MTFR1: variants seen among roughly 807,000 people sequenced by gnomAD.
The protein encoded by MTFR1 is chondrocyte protein with a poly-proline region.
Under a neutral mutation model 38.8 loss-of-function variants are expected in MTFR1, and 28 were observed. The observed-to-expected ratio is 0.72, with a 90% CI of 0.53 to 0.99. The LOEUF (loss-of-function observed/expected upper bound fraction) is 0.99. Ranked by LOEUF, MTFR1 falls within the 50% of genes least tolerant of loss-of-function variation. The pLI is 0.00. For synonymous variants in MTFR1, 145 were observed against 137.0 expected (o/e 1.06, Z -0.41); for missense variants, 358 against 395.5 (o/e 0.91, Z 0.81).
intron 7 of MTFR1, 89 bp from the exon 8 acceptor site, chr8:65,708,887 A>T: frequency 7.7e-7 from 1 of 1,292,422 alleles, no homozygotes; most frequent in East Asian, 2.3e-5. Flanking sequence ...GAACATACCC[A>T]GCCCTCTAAT....
chr8:65,665,605 T>C (rs564529816), intron 1 of MTFR1, among the ~76,000 whole-genome samples: 1 of 152,314 alleles, frequency 6.6e-6, no homozygotes, highest in East Asian at 1.9e-4. Context: ...AATCAAAACC[T>C]TGGAGTAATT....
intron 1 of MTFR1, among the ~76,000 whole-genome samples, chr8:65,651,186 C>G (rs1385640071): frequency 1.3e-5 from 2 of 152,148 alleles, no homozygotes; most frequent in Non-Finnish European, 2.9e-5. Context: ...CTTATGTATT[C>G]TGGTTGTTAA....
downstream of MTFR1, among the ~76,000 whole-genome samples, chr8:65,775,115 A>G (rs1809221709): frequency 6.6e-6 from 1 of 152,140 alleles, no homozygotes. Context: ...TTCGATTCTT[A>G]TATTTTCTCT....
chr8:65,739,357 C>G, intron 3 of MTFR1: 1 of 916,092 alleles, frequency 1.1e-6, no homozygotes, highest in Non-Finnish European at 1.5e-6. Context: ...GATGCAAGAG[C>G]TAAATAACTG....
At chr8:65,707,764 G>A in intron 6 of MTFR1, 79 bp from the exon 7 acceptor site, 1 of 1,541,572 alleles carries the variant, frequency 6.5e-7, no homozygotes, top group East Asian at 2.3e-5. Context: ...GTGCTGTCAG[G>A]CAAAAGGTTG....
downstream of MTFR1, chr8:65,714,462 C>G (rs1806053688): frequency 6.6e-6 from 1 of 152,098 alleles, no homozygotes; most frequent in Non-Finnish European, 1.5e-5. Flanking sequence ...GGTGGTCATT[C>G]CACCTGTAGA....
intron 3 of MTFR1, chr8:65,724,169 A>G (rs921199102): frequency 1.4e-4 from 107 of 790,212 alleles, no homozygotes; most frequent in South Asian, 1.1e-3. Context: ...TGCTAGACCC[A>G]TATAAATTAT....
chr8:65,736,869 T>A (rs1807161716), intron 3 of MTFR1, among the ~76,000 whole-genome samples: 1 of 146,760 alleles, frequency 6.8e-6, no homozygotes, highest in Non-Finnish European at 1.5e-5. Flanking sequence ...CATTTGGCTG[T>A]ACATTCTTGG....
chr8:65,753,123 G>GCA (rs998684393), intron 3 of MTFR1, among the ~76,000 whole-genome samples: 1 of 152,156 alleles, frequency 6.6e-6, no homozygotes, highest in Admixed American at 6.6e-5. Context: ...TTCTATGGCA[G>GCA]CACTATTCCA....
intron 3 of MTFR1, among the ~76,000 whole-genome samples, chr8:65,766,589 T>TATC (rs1379679456): frequency 6.6e-6 from 1 of 152,192 alleles, no homozygotes; most frequent in Non-Finnish European, 1.5e-5. Context: ...TAAACCACTC[T>TATC]ATGGTCAGCC....
chr8:65,746,627 T>G (rs187335091), intron 3 of MTFR1, among the ~76,000 whole-genome samples: 11 of 152,278 alleles, frequency 7.2e-5, no homozygotes, highest in African/African-American at 1.9e-4. Flanking sequence ...TATCCAAAAG[T>G]TCACTGTTGT....
intron 3 of MTFR1, among the ~76,000 whole-genome samples, chr8:65,739,302 G>A (rs1807296441): frequency 6.6e-6 from 1 of 152,140 alleles, no homozygotes; most frequent in South Asian, 2.1e-4. Context: ...GTGCACAAAT[G>A]AGCTCACCCA....
chr8:65,720,767 A>G (rs1189320332), intron 3 of MTFR1, among the ~76,000 whole-genome samples: 1 of 152,206 alleles, frequency 6.6e-6, no homozygotes, highest in Non-Finnish European at 1.5e-5. Flanking sequence ...AGAGATAACA[A>G]ACATAGAAAA....
At chr8:65,770,562 T>G (rs1049385255) in intron 3 of MTFR1, among the ~76,000 whole-genome samples, 3 of 152,154 alleles carry the variant, frequency 2.0e-5, no homozygotes, top group Middle Eastern at 3.2e-3. Flanking sequence ...AAGATGAGAT[T>G]TGGGAGGGGA....
chr8:65,706,303 T>C (rs1805778529), intron 5 of MTFR1, among the ~76,000 whole-genome samples: 1 of 152,264 alleles, frequency 6.6e-6, no homozygotes, highest in Admixed American at 6.5e-5. Flanking sequence ...CTGAAACTTT[T>C]GAGTAAAAAT....
At chr8:65,705,918 G>A (rs555944833) in intron 5 of MTFR1, among the ~76,000 whole-genome samples, 24 of 152,246 alleles carry the variant, frequency 1.6e-4, no homozygotes, top group African/African-American at 5.3e-4. Context: ...TGAAATTCTA[G>A]CCCACTAACC....
chr8:65,662,316 T>G, intron 1 of MTFR1, among the ~76,000 whole-genome samples: 1 of 151,972 alleles, frequency 6.6e-6, no homozygotes, highest in Non-Finnish European at 1.5e-5. Context: ...GCCGGGCTGG[T>G]CTCCAGCTCC....
intron 3 of MTFR1, among the ~76,000 whole-genome samples, chr8:65,730,206 G>A (rs1806814256): frequency 2.3e-5 from 2 of 87,438 alleles, no homozygotes; most frequent in East Asian, 3.5e-4. Context: ...TTGAGATGGA[G>A]TTTCGCTCTT....
At chr8:65,699,760 C>T (rs1305600511) in intron 4 of MTFR1, among the ~76,000 whole-genome samples, 1 of 152,220 alleles carries the variant, frequency 6.6e-6, no homozygotes, top group Non-Finnish European at 1.5e-5. Context: ...CGAATGGAAT[C>T]TACCCTTCTG....
Sources: gnomAD v4.1 joint callset for allele counts (sites outside exome capture counted in the v4.1 genomes callset) on GRCh38, gnomAD v4.1.1 for gene constraint, MANE v1.5 for transcripts, NCBI Gene and HGNC (gene_info 2026-07-23, HGNC 2026-07-21) for gene names.